Variants in SV2B observed in about 807,000 individuals in gnomAD.
SV2B encodes the protein solute carrier family 22 member B2.
In SV2B, 41 loss-of-function variants were observed where a neutral mutation model predicts 73.9. The ratio of observed to expected loss-of-function variants is 0.56; its 90% CI spans 0.43 to 0.72. The LOEUF is 0.72. SV2B is among the 30% of genes least tolerant of loss of function. SV2B has a pLI of 0.00. For synonymous variants in SV2B, 314 were observed against 314.2 expected, an observed-to-expected ratio of 1.00 and a Z score of 0.01; for missense variants, 764 against 857.8, an observed-to-expected ratio of 0.89 and a Z score of 1.37.
chr15:91,182,495 A>C (rs1209948952), intron 1 of SV2B, among the ~76,000 whole-genome samples: 2 of 152,226 alleles, frequency 1.3e-5, no homozygotes, highest in Non-Finnish European at 2.9e-5. Flanking sequence ...TTCCAATGAC[A>C]ATGATAGTTC....
At chr15:91,173,197 A>G (rs561995969) in intron 1 of SV2B, among the ~76,000 whole-genome samples, 5 of 152,324 alleles carry the variant, frequency 3.3e-5, no homozygotes, top group East Asian at 3.9e-4. Context: ...GAGAGAAAGC[A>G]TGGCGACATG....
At position 91,122,544 on chromosome 15, in the gene SV2B, A is replaced by G. The variant is rs1408937334; in HGVS notation, c.-392+22181A>G. On this transcript the variant is annotated intron_variant, in intron 1 of 12. Coordinates refer to ENST00000394232, the MANE Select transcript of SV2B (RefSeq NM_001323032.3). The surrounding 1 kb of genome is among the most constrained non-coding windows in gnomAD (Gnocchi z 4.3). ...TGCATGCTGCAGAGCAGACTCCCCCATCCTGGTTTCCTCTCCATCCTTTTT... is the reference window on the plus strand; with the variant it reads ...TGCATGCTGCAGAGCAGACTCCCCCGTCCTGGTTTCCTCTCCATCCTTTTT... Among the ~76,000 whole-genome samples the G allele has an allele frequency of 6.6e-6, 1 of 152,114 alleles. No individual in the cohort carries two copies. Among genetic ancestry groups the G allele is most frequent in the Admixed American group, 6.5e-5 (1 of 15,278 alleles).
chr15:91,158,026 T>C (rs1038439711), intron 1 of SV2B, among the ~76,000 whole-genome samples: 1 of 152,208 alleles, frequency 6.6e-6, no homozygotes, highest in African/African-American at 2.4e-5. Flanking sequence ...GACCTCTGTA[T>C]GTCCATGGGC....
At position 91,283,719 on chromosome 15, in the gene SV2B, G is replaced by A. The variant is rs375532195; in HGVS notation, c.1508-302G>A. 6.6e-5 allele frequency among the ~76,000 whole-genome samples: 10 copies of A among 152,288 alleles called. No homozygotes were observed. The East Asian group carries it at 7.7e-4, about 12-fold the overall frequency. ...TCCTCCTACCTCGGCCTCCTCAAGT[G>A]CTGGGATTACAGATGTGGGCCACTA... On this transcript the variant is annotated intron_variant, in intron 10 of 12. Coordinates refer to ENST00000394232, the MANE Select transcript of SV2B (RefSeq NM_001323032.3). This position sits in a 1 kb window ranked among gnomAD's most constrained non-coding sequence, Gnocchi z 4.3.
chr15:91,174,482 GAA>G (rs5814465), intron 1 of SV2B, among the ~76,000 whole-genome samples: 154 of 148,910 alleles, frequency 1.0e-3, no homozygotes, highest in African/African-American at 3.7e-3. Flanking sequence ...TGTTTAGGGA[GAA>G]AAAAAAAAGG....
chr15:91,258,565 GC>G lies in SV2B; in HGVS notation c.918+12del, dbSNP rs768302517. On this transcript the variant is annotated intron_variant, in intron 5 of 12. Transcript: ENST00000394232. This position sits in a 1 kb window ranked among gnomAD's most constrained non-coding sequence, Gnocchi z 4.7. ...AGGTTTCTGCTAGAGGTGAGTCAGTGCTTTTCCACCAGGGGGAGAGTGACAA... is the reference window on the plus strand; with the variant it reads ...AGGTTTCTGCTAGAGGTGAGTCAGTGTTTTCCACCAGGGGGAGAGTGACAA... 1.2e-6 allele frequency: 2 copies of G among 1,613,360 alleles called. No homozygotes were observed. The highest frequency in any genetic ancestry group is 2.2e-5 in the South Asian group (2 of 90,854).
chr15:91,279,347 G>A (rs2048609039), intron 9 of SV2B, among the ~76,000 whole-genome samples: 2 of 152,252 alleles, frequency 1.3e-5, no homozygotes, highest in Admixed American at 1.3e-4. Flanking sequence ...GGGCCTGAAG[G>A]CAACTGAAAC....
At chr15:91,255,589 A>G (rs1423527087) in intron 4 of SV2B, among the ~76,000 whole-genome samples, 1 of 152,186 alleles carries the variant, frequency 6.6e-6, no homozygotes, top group Admixed American at 6.5e-5. Context: ...CATGTAACCA[A>G]ACACCACCTG....
At position 91,296,899 on chromosome 15, in the gene SV2B, G is replaced by A. The variant is rs1477595103; in HGVS notation, c.*4347G>A. 1 of 136,212 alleles carries A rather than the reference G, an allele frequency of 7.3e-6. No individual in the cohort carries two copies. Among genetic ancestry groups the A allele is most frequent in the Non-Finnish European group, 1.5e-5 (1 of 65,560 alleles). The allele number at this position is 136,212 out of a possible 1,614,324, so 8.4% of individuals were successfully genotyped here. On this transcript the variant is annotated 3_prime_UTR_variant, in exon 13 of 13. Coordinates refer to ENST00000394232, the MANE Select transcript of SV2B (RefSeq NM_001323032.3). ...CGTTGGGCGCACGCTCCTTCTGCCC[G>A]ATCGTTGGGCGCATGCTCCTTCTGC...
At chr15:91,291,315 A>G (rs1278522048) in intron 12 of SV2B, among the ~76,000 whole-genome samples, 3 of 152,208 alleles carry the variant, frequency 2.0e-5, no homozygotes, top group East Asian at 1.9e-4. Context: ...AAAAACAAAG[A>G]TACTAAGACA....
At chr15:91,151,009 T>C (rs1312671816) in intron 1 of SV2B, among the ~76,000 whole-genome samples, 1 of 152,150 alleles carries the variant, frequency 6.6e-6, no homozygotes, top group Non-Finnish European at 1.5e-5. Flanking sequence ...GGAGGGGGCA[T>C]GGGTTCCTTT....
rs111640061 is a variant in SV2B at position 91,284,166 on chromosome 15, C to A, written c.1653C>A (p.Pro551=). The A allele has an allele frequency of 8.1e-5, 131 of 1,614,170 alleles. 1 individual carries two copies. In the East Asian group the frequency reaches 2.7e-3, roughly 33 times the overall value. The change falls in exon 11 of 13, where the codon CCC becomes CCA. Residue 551 remains proline, a synonymous_variant. Coordinates refer to ENST00000394232, the MANE Select transcript of SV2B (RefSeq NM_001323032.3). This position sits in a 1 kb window ranked among gnomAD's most constrained non-coding sequence, Gnocchi z 4.5. ...VSFLGSLSVL[P]GNIISALLMD... is the part of the protein sequence containing the mutation. ...TCCTGGGCAGCCTGTCTGTCTTACC[C>A]GGGAACATCATTTCTGCCCTGCTCA... is the stretch of plus-strand genomic sequence containing the variant.
intron 1 of SV2B, among the ~76,000 whole-genome samples, chr15:91,195,978 C>G (rs893769961): frequency 2.6e-5 from 4 of 152,150 alleles, no homozygotes; most frequent in Non-Finnish European, 5.9e-5. Flanking sequence ...CAAAATATGT[C>G]TATTTCTTTA....
chr15:91,267,404 A>C lies in SV2B; in HGVS notation c.1120-151A>C, dbSNP rs921621276. The C allele has an allele frequency of 4.8e-6, 3 of 623,360 alleles. No individual in the cohort carries two copies. The highest frequency in any genetic ancestry group is 3.9e-4 in the Middle Eastern group (1 of 2,582). 38.6% of individuals were successfully genotyped at this position (623,360 alleles called of 1,614,324 possible). On this transcript the variant is annotated intron_variant, in intron 7 of 12. Coordinates refer to ENST00000394232, the MANE Select transcript of SV2B (RefSeq NM_001323032.3). This position sits in a 1 kb window ranked among gnomAD's most constrained non-coding sequence, Gnocchi z 4.3. The stretch of plus-strand genomic sequence containing the variant: ...AAGAGGCTTTCCTTGTTATTTGGAC[A>C]GTTTTGCTGCCTCTAGGAGACAGTG...
chr15:91,179,870 T>C (rs1393012214), intron 1 of SV2B, among the ~76,000 whole-genome samples: 4 of 152,056 alleles, frequency 2.6e-5, no homozygotes, highest in African/African-American at 9.7e-5. Context: ...TGTCTTTTAA[T>C]TGGAGCATTT....
intron 1 of SV2B, among the ~76,000 whole-genome samples, chr15:91,173,201 C>A (rs1043720635): frequency 6.6e-6 from 1 of 152,076 alleles, no homozygotes; most frequent in Non-Finnish European, 1.5e-5. Context: ...GAAAGCATGG[C>A]GACATGCCCT....
In SV2B at chr15:91,141,220, G is replaced by T. The variant is rs2042986929; in HGVS notation, c.-392+40857G>T. Reference sequence around the variant, plus strand: ...CCTGAGAAACTCCAATTTTGGCAGGGTTCTTAGGGGATTTCTGATGTACAG... The same window carrying T: ...CCTGAGAAACTCCAATTTTGGCAGGTTTCTTAGGGGATTTCTGATGTACAG... On this transcript the variant is annotated intron_variant, in intron 1 of 12. Coordinates refer to ENST00000394232, the MANE Select transcript of SV2B (RefSeq NM_001323032.3). The surrounding 1 kb of genome is among the most constrained non-coding windows in gnomAD (Gnocchi z 4.6). 1.3e-5 allele frequency among the ~76,000 whole-genome samples: 2 copies of T among 152,186 alleles called. No individual in the cohort carries two copies. Among genetic ancestry groups the T allele is most frequent in the South Asian group, 4.1e-4 (2 of 4,830 alleles).
Position 91,234,844 on chromosome 15 carries a change from A to G in SV2B, c.451+8130A>G, listed in dbSNP as rs184693983. ...TTTACTAGGTGACTGTGCATTGGGG[A>G]AAGGAAAATAGTCAGACCTTTTGAA... On this transcript the variant is annotated intron_variant, in intron 2 of 12. Transcript: ENST00000394232. This position sits in a 1 kb window ranked among gnomAD's most constrained non-coding sequence, Gnocchi z 5.6. 6.6e-6 allele frequency among the ~76,000 whole-genome samples: 1 copy of G among 152,270 alleles called. No individual in the cohort carries two copies. The highest frequency in any genetic ancestry group is 1.9e-4 in the East Asian group (1 of 5,190).
At chr15:91,278,372 G>A (rs890953234) in intron 9 of SV2B, among the ~76,000 whole-genome samples, 2 of 151,960 alleles carry the variant, frequency 1.3e-5, no homozygotes, top group Admixed American at 6.5e-5. Context: ...GTTGGGTGAA[G>A]GCCTGACCCC....
Sources: allele counts gnomAD v4.1 joint callset (sites outside exome capture counted in the v4.1 genomes callset), GRCh38; gene constraint gnomAD v4.1.1; non-coding constraint Gnocchi (gnomAD v3.1); transcripts MANE v1.5; gene names NCBI Gene and HGNC (gene_info 2026-07-23, HGNC 2026-07-21).